ATP2B2: variants seen among roughly 807,000 people sequenced by gnomAD.
ATP2B2 encodes the protein ATPase plasma membrane Ca2+ transporting 2, also known as plasma membrane calcium-transporting ATPase 2.
Under a neutral mutation model 120.0 loss-of-function variants are expected in ATP2B2, and 15 were observed. The observed-to-expected ratio is 0.12, with a 90% CI of 0.08 to 0.19. ATP2B2 has a LOEUF of 0.19. Ranked by LOEUF, ATP2B2 falls within the 10% of genes least tolerant of loss-of-function variation. The pLI is 1.00. For synonymous variants in ATP2B2, 694 were observed against 700.3 expected (o/e 0.99, Z 0.14); for missense variants, 1,045 against 1,719.8 (o/e 0.61, Z 6.94).
At chr3:10,680,453 G>A (rs1436292527) in intron 1 of ATP2B2, among the ~76,000 whole-genome samples, 2 of 152,104 alleles carry the variant, frequency 1.3e-5, no homozygotes, top group Non-Finnish European at 2.9e-5. Context: ...CAGGGATCGG[G>A]CCAGACTTTG....
At chr3:10,438,796 G>A (rs144699378) in intron 2 of ATP2B2, among the ~76,000 whole-genome samples, 1 of 152,352 alleles carries the variant, frequency 6.6e-6, no homozygotes, top group East Asian at 1.9e-4. Flanking sequence ...GGATGACTCA[G>A]GTCCTACTAG....
At chr3:10,558,486 G>A (rs1406271443) in intron 2 of ATP2B2, among the ~76,000 whole-genome samples, 1 of 152,194 alleles carries the variant, frequency 6.6e-6, no homozygotes, top group Non-Finnish European at 1.5e-5. Flanking sequence ...ACCACGCAAG[G>A]AGAGGATGTC....
At position 10,349,398 on chromosome 3, in the gene ATP2B2, T is replaced by C. The variant is rs147041392; in HGVS notation, c.2404+714A>G. 2.0e-3 allele frequency among the ~76,000 whole-genome samples: 302 copies of C among 152,236 alleles called. 9 individuals are homozygous for C. The East Asian group carries it at 0.029, about 15-fold the overall frequency. The stretch of plus-strand genomic sequence containing the variant: ...TGAGCCTAGGTGTTTGAGGTTGCAG[T>C]GAGCTATGATCACACCACTGCACTC... On this transcript the variant is annotated intron_variant, in intron 16 of 22. Transcript: ENST00000360273.
chr3:10,664,646 A>T (rs959939617), intron 1 of ATP2B2, among the ~76,000 whole-genome samples: 1 of 152,118 alleles, frequency 6.6e-6, no homozygotes, highest in Non-Finnish European at 1.5e-5. Flanking sequence ...TGAGCCTGGG[A>T]TCTGGGTCTG....
chr3:10,330,578 C>T (rs1023767387), intron 22 of ATP2B2, among the ~76,000 whole-genome samples: 3 of 152,258 alleles, frequency 2.0e-5, no homozygotes, highest in Admixed American at 1.3e-4. Flanking sequence ...GAGCCTTAGT[C>T]GGCTGCTGTG....
At chr3:10,636,019 G>A (rs2070011487) in intron 1 of ATP2B2, among the ~76,000 whole-genome samples, 2 of 152,280 alleles carry the variant, frequency 1.3e-5, no homozygotes, top group South Asian at 4.1e-4. Context: ...CTGCCATTTG[G>A]CAGCCTGGAG....
chr3:10,377,211 C>A (rs893289973), intron 10 of ATP2B2, among the ~76,000 whole-genome samples: 1 of 152,074 alleles, frequency 6.6e-6, no homozygotes, highest in African/African-American at 2.4e-5. Context: ...CTGCCTGTGG[C>A]GGTGGCGATG....
rs995838154 is a variant in ATP2B2, at chr3:10,459,329, G to A, written c.-319-9467C>T. 2.0e-5 allele frequency among the ~76,000 whole-genome samples: 3 copies of A among 152,226 alleles called. No homozygotes were observed. In the East Asian group the frequency reaches 5.8e-4, roughly 29 times the overall value. On this transcript the variant is annotated intron_variant, in intron 1 of 22. Transcript: ENST00000360273. ...TAAAGTCACTAGCAGATCCAGACAA[G>A]ATAGCCTGTTTGAGGCAGAAAAGTG... is the stretch of plus-strand genomic sequence containing the variant.
rs2059929362 is a variant in ATP2B2, at chr3:10,329,740, C to G, written c.3421-615G>C. On this transcript the variant is annotated intron_variant, in intron 22 of 22. Transcript: ENST00000360273. This position sits in a 1 kb window ranked among gnomAD's most constrained non-coding sequence, Gnocchi z 5.9. ...GCAGCAAAGCAAACCAAAGCCAACC[C>G]AGGGCTTTCTGAGGTGCAGAGCAGA... is the stretch of plus-strand genomic sequence containing the variant. 6.6e-6 allele frequency among the ~76,000 whole-genome samples: 1 copy of G among 152,104 alleles called. No homozygotes were observed. The highest frequency in any genetic ancestry group is 1.5e-5 in the Non-Finnish European group (1 of 68,020).
At chr3:10,483,690 G>A (rs767619029) in intron 1 of ATP2B2, among the ~76,000 whole-genome samples, 1 of 152,200 alleles carries the variant, frequency 6.6e-6, no homozygotes, top group Non-Finnish European at 1.5e-5. Flanking sequence ...GGTGGGAGAA[G>A]GGCCACGGGA....
At chr3:10,567,355 C>G (rs1482618693) in intron 2 of ATP2B2, among the ~76,000 whole-genome samples, 2 of 152,192 alleles carry the variant, frequency 1.3e-5, no homozygotes. Flanking sequence ...TCTGGGATCA[C>G]CAAATGGACA....
intron 12 of ATP2B2, among the ~76,000 whole-genome samples, chr3:10,365,203 A>C (rs2061008933): frequency 6.6e-6 from 1 of 152,222 alleles, no homozygotes; most frequent in Admixed American, 6.5e-5. Context: ...CCTGGCAGAG[A>C]CCACTGGCTC....
At chr3:10,555,267 C>T (rs1041242518) in intron 2 of ATP2B2, among the ~76,000 whole-genome samples, 4 of 152,284 alleles carry the variant, frequency 2.6e-5, no homozygotes, top group African/African-American at 9.6e-5. Flanking sequence ...TGTTTCCTCT[C>T]AGCCTTCTTT....
At chr3:10,339,277 G>C (rs989123873) in intron 21 of ATP2B2, among the ~76,000 whole-genome samples, 2 of 152,234 alleles carry the variant, frequency 1.3e-5, no homozygotes, top group East Asian at 3.8e-4. Context: ...AGCCCCAAAG[G>C]TTACAGGAAG....
intron 1 of ATP2B2, among the ~76,000 whole-genome samples, chr3:10,674,657 A>G (rs1023164422): frequency 6.6e-6 from 1 of 152,238 alleles, no homozygotes; most frequent in Non-Finnish European, 1.5e-5. Flanking sequence ...ATACTCACAT[A>G]TCCTTCACTT....
intron 1 of ATP2B2, among the ~76,000 whole-genome samples, chr3:10,661,280 T>A (rs1276350277): frequency 2.0e-5 from 3 of 152,050 alleles, no homozygotes; most frequent in Non-Finnish European, 4.4e-5. Context: ...ATAAAGGGTA[T>A]TCAATTAGGA....
At chr3:10,489,782 A>G (rs1158696098) in intron 1 of ATP2B2, among the ~76,000 whole-genome samples, 1 of 152,152 alleles carries the variant, frequency 6.6e-6, no homozygotes, top group Non-Finnish European at 1.5e-5. Context: ...CTCCAGCCTC[A>G]TCCCTCCAAC....
At chr3:10,390,248 T>C (rs187284320) in intron 5 of ATP2B2, among the ~76,000 whole-genome samples, 1 of 152,218 alleles carries the variant, frequency 6.6e-6, no homozygotes, top group East Asian at 1.9e-4. Flanking sequence ...CTTCCTGTTT[T>C]CAGCATAACT....
intron 1 of ATP2B2, among the ~76,000 whole-genome samples, chr3:10,649,079 TTTA>T (rs1218141864): frequency 6.6e-6 from 1 of 152,202 alleles, no homozygotes; most frequent in African/African-American, 2.4e-5. Flanking sequence ...TTTAAATTTT[TTTA>T]TTATTATTAT....
Sources: allele counts gnomAD v4.1 joint callset (sites outside exome capture counted in the v4.1 genomes callset), GRCh38; gene constraint gnomAD v4.1.1; non-coding constraint Gnocchi (gnomAD v3.1); transcripts MANE v1.5; gene names NCBI Gene and HGNC (gene_info 2026-07-23, HGNC 2026-07-21).